The following RASGRP1 variants were observed in gnomAD, a reference collection of about 807,000 sequenced individuals.
RASGRP1 encodes the protein RAS guanyl releasing protein 1.
RASGRP1 carries 37 observed loss-of-function variants against 95.1 expected under a neutral mutation model. The observed-to-expected ratio is 0.39, with a 90% confidence interval of 0.30 to 0.51. The LOEUF (loss-of-function observed/expected upper bound fraction) is 0.51. RASGRP1 is among the 20% of genes least tolerant of loss of function. RASGRP1 has a pLI of 0.80. For missense variants in RASGRP1, 711 were observed against 965.4 expected, an observed-to-expected ratio of 0.74 and a Z score of 3.49; for synonymous variants, 325 against 353.4, an observed-to-expected ratio of 0.92 and a Z score of 0.90.
Position 38,542,851 on chromosome 15 carries a change from G to GTA in RASGRP1, c.221-16449_221-16448dup, listed in dbSNP as rs1301871060. Among the ~76,000 whole-genome samples the GTA allele has an allele frequency of 3.5e-4, 40 of 115,616 alleles. 1 individual carries two copies. The highest frequency in any genetic ancestry group is 1.2e-3 in the African/African-American group (31 of 26,424). 75.8% of individuals were successfully genotyped at this position (115,616 alleles called of 152,430 possible). ...TATATATGTGTATATATATATATGTGTATATATATACACATATATGTGTAT... is the reference window on the plus strand; with the variant it reads ...TATATATGTGTATATATATATATGTGTATATATATATACACATATATGTGTAT... On this transcript the variant is annotated intron_variant, in intron 2 of 16. Coordinates refer to ENST00000310803, the MANE Select transcript of RASGRP1 (RefSeq NM_005739.4).
In RASGRP1 at chr15:38,564,725, C is replaced by CG. The variant is rs1893967416; in HGVS notation, c.-98_-97insC. On this transcript the variant is annotated 5_prime_UTR_variant, in exon 1 of 17. Coordinates refer to ENST00000310803, the MANE Select transcript of RASGRP1 (RefSeq NM_005739.4). ...CGCCGCCGCCTGCCGGCTCTCTCCC[C>CG]CCCGGGCCTCGTAGCCCCGGCGCCC... is the stretch of plus-strand genomic sequence containing the variant. The CG allele has an allele frequency of 1.9e-6, 2 of 1,058,770 alleles. No homozygotes were observed. Among genetic ancestry groups the CG allele is most frequent in the African/African-American group, 1.7e-5 (1 of 59,384 alleles). 65.6% of individuals were successfully genotyped at this position (1,058,770 alleles called of 1,614,324 possible). A position where few individuals can be genotyped will look rare whatever the true frequency, so the allele number is the denominator to read the frequency against.
chr15:38,507,322 G>A (rs900976399), intron 9 of RASGRP1, among the ~76,000 whole-genome samples: 1 of 143,772 alleles, frequency 7.0e-6, no homozygotes, highest in Non-Finnish European at 1.5e-5. Context: ...AACCCTGGGT[G>A]TTTTTTGTTT....
chr15:38,494,598 A>G lies in RASGRP1; in HGVS notation c.2043T>C (p.Ile681=), dbSNP rs1301685541. The stretch of plus-strand genomic sequence containing the variant: ...AGGGACCTGAAGGGCCCTCACTGCC[A>G]ATCCAAGGCTGTGATTCAGTCTGGG... ...KATQTESQPW[I]GSEGPSGPFV... is the part of the protein sequence containing the mutation. Residue 681 remains isoleucine (I), a synonymous_variant, in exon 16 of 17, where the codon ATT becomes ATC. Coordinates refer to ENST00000310803, the MANE Select transcript of RASGRP1 (RefSeq NM_005739.4). 1.3e-6 allele frequency: 2 copies of G among 1,559,080 alleles called. No homozygotes were observed. Among genetic ancestry groups the G allele is most frequent in the Admixed American group, 4.2e-5 (2 of 47,452 alleles).
intron 2 of RASGRP1, among the ~76,000 whole-genome samples, chr15:38,557,338 G>A (rs1216715249): frequency 6.6e-6 from 1 of 152,178 alleles, no homozygotes; most frequent in Non-Finnish European, 1.5e-5. Context: ...GTTCCTTCCA[G>A]ACACAGAGCG....
rs1003540060 is a variant in RASGRP1, at chr15:38,499,581, G to A, written c.1720+522C>T. Among the ~76,000 whole-genome samples the A allele has an allele frequency of 4.6e-5, 7 of 152,292 alleles. No homozygotes were observed. The South Asian group carries it at 6.2e-4, about 14-fold the overall frequency. ...CTCTTCGGTGTGGCGGTCATTCACC[G>A]GGGGTGTCCGAGGGAAACCACTTTG... On this transcript the variant is annotated intron_variant, in intron 14 of 16. Coordinates refer to ENST00000310803, the MANE Select transcript of RASGRP1 (RefSeq NM_005739.4).
At chr15:38,539,840 C>T (rs1022359357) in intron 2 of RASGRP1, among the ~76,000 whole-genome samples, 9 of 152,084 alleles carry the variant, frequency 5.9e-5, no homozygotes, top group Non-Finnish European at 5.9e-5. Context: ...TTTGTTCTTG[C>T]GATAGTTTAC....
At chr15:38,526,867 C>T (rs900722170) in intron 2 of RASGRP1, among the ~76,000 whole-genome samples, 3 of 152,202 alleles carry the variant, frequency 2.0e-5, no homozygotes, top group South Asian at 2.1e-4. Context: ...TTTCTAGGGC[C>T]GTCCCATGGC....
At chr15:38,512,173 T>C (rs1891552977) in intron 7 of RASGRP1, among the ~76,000 whole-genome samples, 1 of 152,234 alleles carries the variant, frequency 6.6e-6, no homozygotes, top group Non-Finnish European at 1.5e-5. Context: ...TGGAGAAAGA[T>C]ATTATTAAGT....
Position 38,516,297 on chromosome 15 carries a change from C to A in RASGRP1, c.575G>T (p.Ser192Ile), listed in dbSNP as rs2141122728. Reference sequence around the variant, plus strand: ...GAGCAGGGAGACTTTCCGTTTCTTGCTGGTATTTGATTTTATCCTTTGAGT... The same window carrying A: ...GAGCAGGGAGACTTTCCGTTTCTTGATGGTATTTGATTTTATCCTTTGAGT... ...KLTQRIKSNT[S>I]KKRKVSLLFD... The change falls in exon 6 of 17, where the codon AGC becomes ATC. Residue 192 changes from serine to isoleucine, a missense_variant. Ser to Ile is a moderately radical substitution (Grantham distance 142). Transcript: ENST00000310803. 1 of 1,607,996 alleles carries A rather than the reference C, an allele frequency of 6.2e-7. No homozygotes were observed. The highest frequency in any genetic ancestry group is 8.5e-7 in the Non-Finnish European group (1 of 1,174,552).
chr15:38,556,160 G>A (rs1487593552), intron 2 of RASGRP1, among the ~76,000 whole-genome samples: 14 of 152,202 alleles, frequency 9.2e-5, no homozygotes, highest in African/African-American at 3.4e-4. Flanking sequence ...GCTGAAGAGA[G>A]GATTAACTAG....
At chr15:38,508,763 T>A (rs1328661880) in intron 8 of RASGRP1, among the ~76,000 whole-genome samples, 1 of 152,200 alleles carries the variant, frequency 6.6e-6, no homozygotes, top group Non-Finnish European at 1.5e-5. Flanking sequence ...CTAGTTTTCT[T>A]TTCAATCACT....
intron 8 of RASGRP1, 97 bp from the exon 9 acceptor site, chr15:38,508,098 A>T (rs1891338108): frequency 1.5e-6 from 2 of 1,365,174 alleles, no homozygotes; most frequent in Admixed American, 2.5e-5. Flanking sequence ...CCATGATCTC[A>T]CCCCATCCAG....
intron 1 of RASGRP1, among the ~76,000 whole-genome samples, chr15:38,560,558 C>T (rs1005666123): frequency 6.6e-6 from 1 of 152,108 alleles, no homozygotes; most frequent in Non-Finnish European, 1.5e-5. Context: ...TCAGAATCAT[C>T]GTTAAGGACC....
chr15:38,550,821 G>T lies in RASGRP1; in HGVS notation c.220+9000C>A, dbSNP rs1029891058. Among the ~76,000 whole-genome samples the T allele has an allele frequency of 1.4e-4, 22 of 152,158 alleles. 1 individual carries two copies. Among genetic ancestry groups the T allele is most frequent in the Admixed American group, 5.9e-4 (9 of 15,280 alleles). Reference sequence around the variant, plus strand: ...AGTTGATAGTGCTTATCTTGCTCTTGATGGTAAAATGAGTGACGGTAATTT... The same window carrying T: ...AGTTGATAGTGCTTATCTTGCTCTTTATGGTAAAATGAGTGACGGTAATTT... On this transcript the variant is annotated intron_variant, in intron 2 of 16. Coordinates refer to ENST00000310803, the MANE Select transcript of RASGRP1 (RefSeq NM_005739.4).
At chr15:38,509,777 ATT>A (rs1891424909) in intron 8 of RASGRP1, among the ~76,000 whole-genome samples, 2 of 152,134 alleles carry the variant, frequency 1.3e-5, no homozygotes, top group South Asian at 4.1e-4. Context: ...TTTCCATTAA[ATT>A]TTTTTTGGAC....
intron 1 of RASGRP1, among the ~76,000 whole-genome samples, chr15:38,561,434 T>C (rs11636932): frequency 0.12 from 17,594 of 152,284 alleles, 1,256 homozygotes; most frequent in East Asian, 0.22. Context: ...ATAAGCATGA[T>C]GTTCCCAGAG....
chr15:38,505,063 A>G (rs756633368), intron 10 of RASGRP1: 2 of 152,256 alleles, frequency 1.3e-5, no homozygotes, highest in African/African-American at 4.8e-5. Context: ...TTTCATTACA[A>G]TAGAAAGCTA....
chr15:38,505,968 T>C (rs1316683232), intron 9 of RASGRP1, 48 bp from the exon 10 acceptor site: 2 of 1,403,028 alleles, frequency 1.4e-6, no homozygotes, highest in Non-Finnish European at 2.0e-6. Flanking sequence ...GCTGTTTGCC[T>C]CTCCCACAGC....
chr15:38,491,697 G>GT (rs1890592330), intron 16 of RASGRP1, among the ~76,000 whole-genome samples: 1 of 152,132 alleles, frequency 6.6e-6, no homozygotes, highest in Non-Finnish European at 1.5e-5. Context: ...ACTAGTCATT[G>GT]TAAGGATTAT....
Sources: allele counts gnomAD v4.1 joint callset (sites outside exome capture counted in the v4.1 genomes callset), GRCh38; gene constraint gnomAD v4.1.1; transcripts MANE v1.5; gene names NCBI Gene and HGNC (gene_info 2026-07-23, HGNC 2026-07-21).